Variants in EXOC6 observed in about 807,000 individuals in gnomAD.
EXOC6 encodes the protein exocyst complex component 6.
Under a neutral mutation model 112.5 loss-of-function variants are expected in EXOC6, and 60 were observed. The observed-to-expected ratio is 0.53, with a 90% CI of 0.43 to 0.66. The LOEUF (loss-of-function observed/expected upper bound fraction) is 0.66. Ranked by LOEUF, EXOC6 falls within the 30% of genes least tolerant of loss-of-function variation. The pLI is 0.00. For synonymous variants in EXOC6, 295 were observed against 308.0 expected, an observed-to-expected ratio of 0.96 and a Z score of 0.44; for missense variants, 855 against 957.1, an observed-to-expected ratio of 0.89 and a Z score of 1.41.
chr10:92,926,395 G>A (rs1851723746), intron 8 of EXOC6, among the ~76,000 whole-genome samples: 1 of 151,830 alleles, frequency 6.6e-6, no homozygotes, highest in East Asian at 1.9e-4. Flanking sequence ...GGAAATAAGA[G>A]TTCAAAAGAA....
At chr10:92,925,190 CAG>C (rs1307285440) in intron 8 of EXOC6, among the ~76,000 whole-genome samples, 63 of 152,080 alleles carry the variant, frequency 4.1e-4, no homozygotes, top group Middle Eastern at 6.8e-3. Context: ...GTAATGAAAA[CAG>C]AATAAGTAAT....
At chr10:93,003,044 C>G (rs1770940835) in intron 19 of EXOC6, among the ~76,000 whole-genome samples, 1 of 152,104 alleles carries the variant, frequency 6.6e-6, no homozygotes, top group African/African-American at 2.4e-5. Context: ...TGCTGGGCAA[C>G]TCAGAAAAGA....
intron 1 of EXOC6, among the ~76,000 whole-genome samples, chr10:92,863,245 T>C (rs1429411048): frequency 6.6e-6 from 1 of 152,254 alleles, no homozygotes; most frequent in East Asian, 1.9e-4. Context: ...GGACTTCCCA[T>C]AAAGAGTACA....
chr10:92,908,667 T>C, intron 5 of EXOC6, among the ~76,000 whole-genome samples: 1 of 152,208 alleles, frequency 6.6e-6, no homozygotes, highest in Admixed American at 6.5e-5. Context: ...ATCTATAGAA[T>C]GCTACTTGTA....
chr10:92,991,549 T>C (rs1270880712), intron 18 of EXOC6, among the ~76,000 whole-genome samples: 3 of 152,088 alleles, frequency 2.0e-5, no homozygotes, highest in African/African-American at 7.2e-5. Flanking sequence ...GCATGCCTTC[T>C]AAGGCCATAC....
At chr10:92,852,946 A>G (rs1847422344) in intron 1 of EXOC6, among the ~76,000 whole-genome samples, 1 of 152,164 alleles carries the variant, frequency 6.6e-6, no homozygotes, top group Admixed American at 6.5e-5. Context: ...AAAAAAAAGC[A>G]TCTAGTTTGG....
chr10:92,965,223 A>G (rs956719695), intron 17 of EXOC6, among the ~76,000 whole-genome samples: 5 of 152,192 alleles, frequency 3.3e-5, no homozygotes, highest in African/African-American at 4.8e-5. Flanking sequence ...CTTTTATTCA[A>G]AACACACATG....
intron 6 of EXOC6, among the ~76,000 whole-genome samples, chr10:92,912,839 T>G (rs192450978): frequency 2.9e-4 from 44 of 152,296 alleles, no homozygotes; most frequent in African/African-American, 1.0e-3. Context: ...TGAGGGTGTT[T>G]ATAGCCCTAT....
intron 1 of EXOC6, among the ~76,000 whole-genome samples, chr10:92,869,333 G>C (rs534830620): frequency 2.6e-5 from 4 of 151,402 alleles, no homozygotes; most frequent in Non-Finnish European, 5.9e-5. Flanking sequence ...AAATGAGACA[G>C]GGTCGCACTC....
chr10:93,013,379 G>T (rs1399896043), intron 19 of EXOC6, among the ~76,000 whole-genome samples: 2 of 152,086 alleles, frequency 1.3e-5, no homozygotes, highest in African/African-American at 4.8e-5. Context: ...GCCGAGGCAG[G>T]TGGATTGCCT....
intron 20 of EXOC6, among the ~76,000 whole-genome samples, chr10:93,054,142 T>C (rs1846434689): frequency 6.6e-6 from 1 of 152,256 alleles, no homozygotes; most frequent in Non-Finnish European, 1.5e-5. Flanking sequence ...TAGCTTTTCT[T>C]TATAATTTCT....
In EXOC6 at chr10:92,911,940, T is replaced by C. The variant is rs1193134755; in HGVS notation, c.663+2309T>C. 8.6e-4 allele frequency among the ~76,000 whole-genome samples: 11 copies of C among 12,742 alleles called. No homozygotes were observed. The Admixed American group carries it at 0.015, about 17-fold the overall frequency. 8.4% of individuals were successfully genotyped at this position (12,742 alleles called of 152,430 possible). The stretch of plus-strand genomic sequence containing the variant: ...CTCTCTCTCTCTCTCTCTGTGTGCG[T>C]GTGTGTGTGTGTGTGTGTGTGTGTG... On this transcript the variant is annotated intron_variant, in intron 6 of 21. Coordinates refer to ENST00000260762, the MANE Select transcript of EXOC6 (RefSeq NM_019053.6).
At chr10:92,848,831 C>T (rs1847177083) in intron 1 of EXOC6, among the ~76,000 whole-genome samples, 197 bp downstream of exon 1, 1 of 151,906 alleles carries the variant, frequency 6.6e-6, no homozygotes, top group African/African-American at 2.4e-5. Context: ...CTGCACCTGT[C>T]GGCGCGGCCT....
At chr10:93,048,177 T>C (rs2134359615) in intron 20 of EXOC6, among the ~76,000 whole-genome samples, 1 of 152,098 alleles carries the variant, frequency 6.6e-6, no homozygotes, top group South Asian at 2.1e-4. Flanking sequence ...GACGAGTTAA[T>C]GGGTGCAGCA....
At chr10:92,911,927 CTCTCTGTG>C (rs1381169038) in intron 6 of EXOC6, among the ~76,000 whole-genome samples, 1 of 99,466 alleles carries the variant, frequency 1.0e-5, no homozygotes, top group South Asian at 4.6e-4. Context: ...CTCTCTCTCT[CTCTCTGTG>C]TGCGTGTGTG....
chr10:93,031,342 A>G (rs7895700), intron 20 of EXOC6, among the ~76,000 whole-genome samples: 19,662 of 151,980 alleles, frequency 0.13, 1,430 homozygotes, highest in African/African-American at 0.18. Flanking sequence ...GAGTTCAGGA[A>G]TTATTTCTGA....
chr10:92,861,848 ATTAG>A (rs960788363), intron 1 of EXOC6, among the ~76,000 whole-genome samples: 1 of 152,188 alleles, frequency 6.6e-6, no homozygotes, highest in African/African-American at 2.4e-5. Flanking sequence ...AATAATTTTC[ATTAG>A]TTAGAGTTGT....
chr10:92,834,650 G>T, upstream of EXOC6: 1 of 1,049,976 alleles, frequency 9.5e-7, no homozygotes, highest in Non-Finnish European at 1.4e-6. Context: ...TAATTATAAG[G>T]AAAACGGTAT....
chr10:93,037,181 C>G (rs1316755550), intron 20 of EXOC6, among the ~76,000 whole-genome samples: 1 of 145,194 alleles, frequency 6.9e-6, no homozygotes, highest in Non-Finnish European at 1.5e-5. Context: ...GTTTCTCTGT[C>G]GCCCAGGCTG....
Sources: gnomAD v4.1 joint callset for allele counts (sites outside exome capture counted in the v4.1 genomes callset) on GRCh38, gnomAD v4.1.1 for gene constraint, MANE v1.5 for transcripts, NCBI Gene and HGNC (gene_info 2026-07-23, HGNC 2026-07-21) for gene names.